The following TFB1M variants were observed in gnomAD, a reference collection of about 807,000 sequenced individuals.
The protein encoded by TFB1M is dimethyladenosine transferase 1, mitochondrial.
In TFB1M, 27 loss-of-function variants were observed where a neutral mutation model predicts 31.1. The ratio of observed to expected loss-of-function variants is 0.87; its 90% CI spans 0.64 to 1.20. The LOEUF (loss-of-function observed/expected upper bound fraction) is 1.20. TFB1M is among the 50% of genes most tolerant of loss of function. The pLI, the probability that TFB1M is intolerant of heterozygous loss-of-function variation, is 0.00. For synonymous variants in TFB1M, 166 were observed against 151.8 expected (o/e 1.09, Z -0.69); for missense variants, 394 against 418.7 (o/e 0.94, Z 0.51).
At position 155,295,194 on chromosome 6, in the gene TFB1M, G is replaced by A. The variant is rs374983809; in HGVS notation, c.546+1759C>T. Among the ~76,000 whole-genome samples, 13 of 152,042 alleles carry A rather than the reference G, an allele frequency of 8.6e-5. No individual in the cohort carries two copies. The East Asian group carries it at 1.7e-3, about 20-fold the overall frequency. On this transcript the variant is annotated intron_variant, in intron 4 of 6. Coordinates refer to ENST00000367166, the MANE Select transcript of TFB1M (RefSeq NM_016020.4). ...ATCCTGGCTAACATGGTGAAACCCC[G>A]TCTCTACTAAAAATACAAAAAATTA...
chr6:155,253,237 G>GT, downstream of TFB1M: 1 of 520,906 alleles, frequency 1.9e-6, no homozygotes, highest in Admixed American at 3.3e-5. Context: ...CTAAATGCTG[G>GT]TGGATAGCTT....
At chr6:155,240,500 C>T in the TFB1M span, 1 of 1,580,332 alleles carries the variant, frequency 6.3e-7, no homozygotes, top group Non-Finnish European at 8.6e-7. Flanking sequence ...GAGGCCCGTG[C>T]ATTATTTTCC....
downstream of TFB1M, chr6:155,251,138 G>C: frequency 1.2e-6 from 1 of 850,722 alleles, no homozygotes; most frequent in Non-Finnish European, 1.9e-6. Flanking sequence ...TTGCTATAAT[G>C]GTTGGGGACT....
chr6:155,244,811 TA>T, the TFB1M span: 1 of 1,582,582 alleles, frequency 6.3e-7, no homozygotes, highest in Admixed American at 1.8e-5. Context: ...AGGCTTAAAG[TA>T]AAAATACGTG....
intron 4 of TFB1M, among the ~76,000 whole-genome samples, chr6:155,295,345 G>C (rs1252832163): frequency 6.6e-6 from 1 of 151,202 alleles, no homozygotes; most frequent in Non-Finnish European, 1.5e-5. Context: ...CAGCCTGGGT[G>C]ACAGAGTGAG....
intron 5 of TFB1M, among the ~76,000 whole-genome samples, chr6:155,270,015 GGAAGCA>G (rs751080509): frequency 5.3e-5 from 8 of 152,222 alleles, no homozygotes; most frequent in Non-Finnish European, 1.0e-4. Flanking sequence ...GCGCTACAGT[GGAAGCA>G]GAAGAGGAGC....
intron 4 of TFB1M, 82 bp downstream of exon 4, chr6:155,296,871 G>T: frequency 7.7e-7 from 1 of 1,302,816 alleles, no homozygotes; most frequent in Non-Finnish European, 1.1e-6. Context: ...AGAAAACACA[G>T]ACTGTGGTAA....
chr6:155,271,357 T>C (rs1452375463), intron 5 of TFB1M, among the ~76,000 whole-genome samples: 1 of 152,210 alleles, frequency 6.6e-6, no homozygotes, highest in Admixed American at 6.5e-5. Flanking sequence ...TCTTATCTGA[T>C]GTGTCTCATC....
Position 155,257,713 on chromosome 6 carries a change from A to G in TFB1M, c.*123T>C. On this transcript the variant is annotated 3_prime_UTR_variant, in exon 7 of 7. Coordinates refer to ENST00000367166, the MANE Select transcript of TFB1M (RefSeq NM_016020.4). ...CTGCCAAGCTGTATAGTAAAAGGAA[A>G]ATAAGTCACATCTGGTCATTGGCAT... is the stretch of plus-strand genomic sequence containing the variant. 4.2e-6 allele frequency: 5 copies of G among 1,203,414 alleles called. No homozygotes were observed. Among genetic ancestry groups the G allele is most frequent in the Non-Finnish European group, 5.9e-6 (5 of 841,410 alleles). The allele number at this position is 1,203,414 out of a possible 1,614,324, so 74.5% of individuals were successfully genotyped here.
chr6:155,293,509 G>T (rs760497494), intron 4 of TFB1M, among the ~76,000 whole-genome samples: 7 of 152,076 alleles, frequency 4.6e-5, no homozygotes, highest in Non-Finnish European at 1.5e-5. Flanking sequence ...ATTGTTGCAG[G>T]TCTATTCCTC....
chr6:155,313,745 C>T (rs553772327), intron 1 of TFB1M, among the ~76,000 whole-genome samples: 3 of 152,246 alleles, frequency 2.0e-5, no homozygotes, highest in South Asian at 4.1e-4. Context: ...CCATATCCTA[C>T]CCCCGGCACT....
At chr6:155,251,289 T>C (rs184062913), downstream of TFB1M, among the ~76,000 whole-genome samples, 1 of 152,226 alleles carries the variant, frequency 6.6e-6, no homozygotes, top group Non-Finnish European at 1.5e-5. Context: ...GCTATCTTTT[T>C]CTTTTTCTTT....
At chr6:155,252,876 A>G (rs1039501203), downstream of TFB1M, 11 of 1,372,896 alleles carry the variant, frequency 8.0e-6, no homozygotes, top group East Asian at 2.3e-5. Context: ...ATAAACTTCT[A>G]TTCACTGTGC....
At chr6:155,276,010 T>G in intron 5 of TFB1M, 1 of 1,614,150 alleles carries the variant, frequency 6.2e-7, no homozygotes, top group Non-Finnish European at 8.5e-7. Flanking sequence ...GGATCTGCAC[T>G]TCCACAGTAG....
At chr6:155,286,553 GTA>G (rs1387770906) in intron 4 of TFB1M, among the ~76,000 whole-genome samples, 76 of 147,000 alleles carry the variant, frequency 5.2e-4, no homozygotes, top group African/African-American at 1.6e-3. Context: ...ATATATGTGT[GTA>G]TATATATGTA....
chr6:155,272,025 T>C (rs570598299), intron 5 of TFB1M, among the ~76,000 whole-genome samples: 1 of 152,358 alleles, frequency 6.6e-6, no homozygotes, highest in Non-Finnish European at 1.5e-5. Flanking sequence ...CTCAGATTTC[T>C]ACGTTGTCCT....
At chr6:155,281,245 A>C (rs1457421038) in intron 5 of TFB1M, among the ~76,000 whole-genome samples, 1 of 152,186 alleles carries the variant, frequency 6.6e-6, no homozygotes, top group African/African-American at 2.4e-5. Flanking sequence ...TATTGGTCAA[A>C]TCTGGATGTA....
downstream of TFB1M, chr6:155,253,186 A>G (rs189786755): frequency 1.2e-5 from 9 of 741,626 alleles, no homozygotes; most frequent in Admixed American, 4.9e-5. Context: ...TGAGGACAAG[A>G]GAGGTTGTTT....
At chr6:155,285,067 G>T in intron 5 of TFB1M, 91 bp downstream of exon 5, 11 of 1,538,106 alleles carry the variant, frequency 7.2e-6, no homozygotes, top group South Asian at 1.1e-5. Context: ...ATAAACAAAG[G>T]TTAGATCCTA....
Sources: allele counts gnomAD v4.1 joint callset (sites outside exome capture counted in the v4.1 genomes callset), GRCh38; gene constraint gnomAD v4.1.1; transcripts MANE v1.5; gene names NCBI Gene and HGNC (gene_info 2026-07-23, HGNC 2026-07-21).